The following USF2 variants were observed in gnomAD, a reference collection of about 807,000 sequenced individuals.
USF2 encodes the protein upstream transcription factor 2, c-fos interacting.
USF2 carries 16 observed loss-of-function variants against 46.9 expected under a neutral mutation model. That is an observed-to-expected ratio of 0.34 (90% CI 0.23 to 0.52). The LOEUF (loss-of-function observed/expected upper bound fraction) is 0.52, where lower values mean the gene tolerates loss of function less well. Ranked by LOEUF, USF2 falls within the 20% of genes least tolerant of loss-of-function variation. The pLI is 0.96. For missense variants in USF2, 411 were observed against 474.0 expected (o/e 0.87, Z 1.23); for synonymous variants, 239 against 194.1 (o/e 1.23, Z -1.92).
Position 35,279,218 on chromosome 19 carries a change from C to T in USF2, c.1003C>T (p.His335Tyr), listed in dbSNP as rs772188137. ...NALLRAQLQQ[H>Y]NLEMVGEGTR... ...CCTGCTTCGAGCCCAGCTGCAGCAG[C>T]ACAACCTGGAGATGGTGGGCGAGGG... Residue 335 changes from histidine to tyrosine, a missense_variant, in exon 10 of 10, where the codon CAC becomes TAC. His to Tyr is a moderately conservative substitution (Grantham distance 83). Coordinates refer to ENST00000222305, the MANE Select transcript of USF2 (RefSeq NM_003367.4). 4 of 1,587,054 alleles carry T rather than the reference C, an allele frequency of 2.5e-6. No homozygotes were observed. The Admixed American group carries it at 7.0e-5, about 28-fold the overall frequency.
chr19:35,278,412 A>C, intron 7 of USF2: 2 of 384,908 alleles, frequency 5.2e-6, no homozygotes, highest in Non-Finnish European at 9.4e-6. Context: ...AAATTTGTAC[A>C]AGTATGGTGG....
rs777054854 is a variant in USF2, at chr19:35,270,563, C to T, written c.546C>T (p.Ser182=). The stretch of plus-strand genomic sequence containing the variant: ...GTGTGGGAGATACTACGGCTGTGTC[C>T]GTACAGACCACAGACCAGAGCTTGC... The part of the protein sequence containing the change: ...ASSVGDTTAV[S]VQTTDQSLQA... Residue 182 remains serine, a synonymous_variant, in exon 5 of 10, where the codon TCC becomes TCT. Coordinates refer to ENST00000222305, the MANE Select transcript of USF2 (RefSeq NM_003367.4). 1.3e-5 allele frequency: 21 copies of T among 1,613,978 alleles called. No homozygotes were observed. In the Admixed American group the frequency reaches 2.5e-4, roughly 19 times the overall value.
intron 1 of USF2, 52 bp downstream of exon 1, chr19:35,269,215 C>A: frequency 1.0e-6 from 1 of 975,504 alleles, no homozygotes; most frequent in African/African-American, 1.8e-5. Context: ...GGCCCCGGCC[C>A]CGCGGCCTGC....
At position 35,279,292 on chromosome 19, in the gene USF2, C is replaced by T. The variant is rs2066279152; in HGVS notation, c.*36C>T. 7 of 1,469,396 alleles carry T rather than the reference C, an allele frequency of 4.8e-6. No individual in the cohort carries two copies. The highest frequency in any genetic ancestry group is 6.3e-6 in the Non-Finnish European group (7 of 1,109,386). 91.0% of individuals were successfully genotyped at this position (1,469,396 alleles called of 1,614,324 possible). A position where few individuals can be genotyped will look rare whatever the true frequency, so the allele number is the denominator to read the frequency against. On this transcript the variant is annotated 3_prime_UTR_variant, in exon 10 of 10. Coordinates refer to ENST00000222305, the MANE Select transcript of USF2 (RefSeq NM_003367.4). ...CACCACGCAGCCGCCGCCGCCCACG[C>T]CGGCCTCTGCTGCCCCCTTCCCCAG...
intron 7 of USF2, among the ~76,000 whole-genome samples, chr19:35,274,779 C>G (rs138222350): frequency 1.6e-3 from 250 of 152,314 alleles, no homozygotes; most frequent in African/African-American, 5.7e-3. Context: ...GCCTGAGCAA[C>G]AGACCCAGAC....
chr19:35,268,964 A>C lies in USF2; in HGVS notation c.-138A>C. Reference sequence around the variant, plus strand: ...CGTGATCAGCGCGAGCGGCTCCCGTATCTCCTCCGTCCCCTCCTGCCGCGC... The same window carrying C: ...CGTGATCAGCGCGAGCGGCTCCCGTCTCTCCTCCGTCCCCTCCTGCCGCGC... On this transcript the variant is annotated 5_prime_UTR_variant, in exon 1 of 10. Coordinates refer to ENST00000222305, the MANE Select transcript of USF2 (RefSeq NM_003367.4). 2.1e-5 allele frequency: 3 copies of C among 145,912 alleles called. No individual in the cohort carries two copies. Among genetic ancestry groups the C allele is most frequent in the East Asian group, 2.1e-4 (1 of 4,790 alleles). 9.0% of individuals were successfully genotyped at this position (145,912 alleles called of 1,614,324 possible). A position where few individuals can be genotyped will look rare whatever the true frequency, so the allele number is the denominator to read the frequency against.
intron 4 of USF2, 96 bp from the exon 5 acceptor site, chr19:35,270,351 T>C (rs1456428051): frequency 6.6e-7 from 1 of 1,516,694 alleles, no homozygotes; most frequent in Non-Finnish European, 8.9e-7. Context: ...CTCCTGTTAA[T>C]TGCAGAGAAT....
At position 35,269,679 on chromosome 19, in the gene USF2, A is replaced by C; in HGVS notation, c.208A>C (p.Thr70Pro). 2.1e-6 allele frequency: 3 copies of C among 1,448,400 alleles called. No homozygotes were observed. Among genetic ancestry groups the C allele is most frequent in the Non-Finnish European group, 2.8e-6 (3 of 1,084,624 alleles). The allele number at this position is 1,448,400 out of a possible 1,614,324, so 89.7% of individuals were successfully genotyped here. A position where few individuals can be genotyped will look rare whatever the true frequency, so the allele number is the denominator to read the frequency against. The change falls in exon 3 of 10, where the codon ACA becomes CCA. Residue 70 changes from threonine (T) to proline (P), a missense_variant. Around this residue, in one of 2 missense-constraint regions of USF2, gnomAD observed 318 missense variants for 322.4 expected, o/e 0.99. Transcript: ENST00000222305. ...GDHNIQYQFRTETNGGQVTYR... is the reference protein window; with the variant it reads ...GDHNIQYQFRPETNGGQVTYR... Reference sequence around the variant, plus strand: ...CCACAACATCCAGTACCAGTTCCGCACAGAGACAAATGGAGGACAGGTGAG... The same window carrying C: ...CCACAACATCCAGTACCAGTTCCGCCCAGAGACAAATGGAGGACAGGTGAG...
rs771432942 is a variant in USF2, at chr19:35,269,562, C to T, written c.110-19C>T. ...GCTCGGCGCGGCCCTGACCGTGCCC[C>T]GACCCTCCTCGGCCCCAGGCGGGGA... On this transcript the variant is annotated intron_variant, in intron 2 of 9. Transcript: ENST00000222305. 16 of 1,568,940 alleles carry T rather than the reference C, an allele frequency of 1.0e-5. No homozygotes were observed. Among genetic ancestry groups the T allele is most frequent in the Non-Finnish European group, 1.3e-5 (15 of 1,158,996 alleles).
At chr19:35,273,808 G>A (rs552762326) in intron 7 of USF2, among the ~76,000 whole-genome samples, 5 of 152,202 alleles carry the variant, frequency 3.3e-5, no homozygotes, top group African/African-American at 4.8e-5. Context: ...CTCCGGCCTC[G>A]GCTACAGGCC....
In USF2 at chr19:35,279,248, C is replaced by T. The variant is rs2066278021; in HGVS notation, c.1033C>T (p.Arg345Trp). ...HNLEMVGEGT[R>W]Q ...CCTGGAGATGGTGGGCGAGGGCACC[C>T]GGCAGTGACGCCCGCCACCACCACG... The change falls in exon 10 of 10, where the codon CGG (arginine) becomes TGG (tryptophan). Residue 345 changes from arginine to tryptophan, a missense_variant. Arg to Trp is a moderately radical substitution (Grantham distance 101, BLOSUM62 -3). This residue lies in a region of USF2 where 93 missense variants were observed against 151.6 expected (regional missense o/e 0.61). Transcript: ENST00000222305. 5 of 1,529,460 alleles carry T rather than the reference C, an allele frequency of 3.3e-6. No individual in the cohort carries two copies. Among genetic ancestry groups the T allele is most frequent in the African/African-American group, 1.4e-5 (1 of 72,578 alleles). 94.7% of individuals were successfully genotyped at this position (1,529,460 alleles called of 1,614,324 possible). A position where few individuals can be genotyped will look rare whatever the true frequency, so the allele number is the denominator to read the frequency against.
At chr19:35,272,148 C>T (rs532122140) in intron 7 of USF2, among the ~76,000 whole-genome samples, 9 of 152,108 alleles carry the variant, frequency 5.9e-5, no homozygotes, top group East Asian at 1.9e-4. Context: ...TCATTCAGCG[C>T]GTGCATACTA....
rs150019719 is a variant in USF2 at position 35,278,786 on chromosome 19, G to A, written c.816G>A (p.Thr272=). The change falls in exon 8 of 10, where the codon ACG becomes ACA. Residue 272 remains threonine, a synonymous_variant. Transcript: ENST00000222305. ...IPDCNADNSK[T]GASKGGILSK... ...ACTGTAACGCAGACAACAGCAAGAC[G>A]GGAGCGGTGAGCACCCCGGACCCTC... The A allele has an allele frequency of 5.8e-5, 94 of 1,613,946 alleles. No individual in the cohort carries two copies. The highest frequency in any genetic ancestry group is 7.5e-5 in the Non-Finnish European group (88 of 1,180,026).
chr19:35,279,376 T>C lies in USF2; in HGVS notation c.*120T>C. The C allele has an allele frequency of 8.8e-7, 1 of 1,136,152 alleles. No homozygotes were observed. The allele number at this position is 1,136,152 out of a possible 1,614,324, so 70.4% of individuals were successfully genotyped here. On this transcript the variant is annotated 3_prime_UTR_variant, in exon 10 of 10. Transcript: ENST00000222305. ...CCAGCTGCGTTTTTTTATAGTAGAT[T>C]TTTAACAAAAAACGGGGAGAAATAA...
At chr19:35,270,921 T>A in intron 6 of USF2, 116 bp downstream of exon 6, 2 of 1,466,760 alleles carry the variant, frequency 1.4e-6, no homozygotes, top group Non-Finnish European at 1.9e-6. Flanking sequence ...TTTTTTTTCT[T>A]TGCCTGTTTC....
intron 7 of USF2, among the ~76,000 whole-genome samples, chr19:35,273,943 T>C (rs1403174788): frequency 2.0e-5 from 3 of 152,232 alleles, no homozygotes; most frequent in Non-Finnish European, 4.4e-5. Context: ...CCCCAAACTC[T>C]GTTCCCCCTT....
intron 7 of USF2, among the ~76,000 whole-genome samples, chr19:35,276,414 C>T (rs534396906): frequency 2.6e-4 from 39 of 152,262 alleles, no homozygotes; most frequent in Non-Finnish European, 4.3e-4. Flanking sequence ...GTGGAATGAA[C>T]GTGGCCTTGG....
rs774955846 is a variant in USF2, at chr19:35,270,549, A to T, written c.532A>T (p.Thr178Ser). Residue 178 changes from threonine to serine, a missense_variant, in exon 5 of 10, where the codon ACT becomes TCT. By Grantham distance (58) the Thr-to-Ser change is moderately conservative. This residue lies in a region of USF2 where 318 missense variants were observed against 322.4 expected (regional missense o/e 0.99). Transcript: ENST00000222305. Reference sequence around the variant, plus strand: ...TTTCCCAGCGTCCAGTGTGGGAGATACTACGGCTGTGTCCGTACAGACCAC... The same window carrying T: ...TTTCCCAGCGTCCAGTGTGGGAGATTCTACGGCTGTGTCCGTACAGACCAC... Reference protein sequence around the residue: ...AYFPASSVGDTTAVSVQTTDQ... With the variant: ...AYFPASSVGDSTAVSVQTTDQ... 4 of 1,614,170 alleles carry T rather than the reference A, an allele frequency of 2.5e-6. No individual in the cohort carries two copies. Among genetic ancestry groups the T allele is most frequent in the Non-Finnish European group, 3.4e-6 (4 of 1,180,014 alleles).
rs1406813731 is a variant in USF2 at position 35,270,706 on chromosome 19, C to T, written c.581-12C>T. Reference sequence around the variant, plus strand: ...ACCCTGCCTTGCCACTAACCCCCCACTCTCCCTGCAGGCCAGTTCTACGTC... The same window carrying T: ...ACCCTGCCTTGCCACTAACCCCCCATTCTCCCTGCAGGCCAGTTCTACGTC... On this transcript the variant is annotated splice_polypyrimidine_tract_variant and intron_variant, in intron 5 of 9. Transcript: ENST00000222305. The T allele has an allele frequency of 1.9e-6, 3 of 1,614,030 alleles. No homozygotes were observed. The highest frequency in any genetic ancestry group is 1.6e-4 in the Middle Eastern group (1 of 6,062).
Sources: gnomAD v4.1 joint callset for allele counts (sites outside exome capture counted in the v4.1 genomes callset) on GRCh38, gnomAD v4.1.1 for gene constraint, gnomAD v4.1.1 regional missense constraint, MANE v1.5 for transcripts, NCBI Gene and HGNC (gene_info 2026-07-23, HGNC 2026-07-21) for gene names.